The following TET2 variants were observed in gnomAD, a reference collection of about 807,000 sequenced individuals.
The protein encoded by TET2 is tet methylcytosine dioxygenase 2, also known as methylcytosine dioxygenase TET2.
TET2 carries 299 observed loss-of-function variants against 142.9 expected under a neutral mutation model. The observed-to-expected ratio is 2.09, with a 90% CI of 1.90 to 2.30. The LOEUF (loss-of-function observed/expected upper bound fraction) is 2.30. TET2 is among the 30% of genes most tolerant of loss of function. The probability of loss-of-function intolerance (pLI) is 0.00; values close to 1 mark genes in which losing one functional copy is unlikely to be tolerated. For missense variants in TET2, 2,418 were observed against 2,378.0 expected (o/e 1.02, Z -0.35); for synonymous variants, 819 against 849.0 (o/e 0.96, Z 0.61).
chr4:105,242,405 TC>T, intron 4 of TET2: 1 of 1,083,482 alleles, frequency 9.2e-7, no homozygotes, highest in African/African-American at 1.6e-5. Context: ...AGCCTCCTTT[TC>T]TAAATTGTGA....
chr4:105,187,117 C>T (rs1271931504), intron 1 of TET2, among the ~76,000 whole-genome samples: 1 of 152,112 alleles, frequency 6.6e-6, no homozygotes, highest in Non-Finnish European at 1.5e-5. Context: ...AGAGGGAAAT[C>T]CCCCTAGAAC....
intron 6 of TET2, among the ~76,000 whole-genome samples, chr4:105,252,383 T>C (rs77738124): frequency 0.041 from 6,269 of 152,270 alleles, 437 homozygotes; most frequent in African/African-American, 0.14. Context: ...TAATATTCCA[T>C]TGTCTGGTTT....
At chr4:105,273,360 A>C (rs1402327206) in intron 10 of TET2, among the ~76,000 whole-genome samples, 1 of 152,226 alleles carries the variant, frequency 6.6e-6, no homozygotes, top group East Asian at 1.9e-4. Flanking sequence ...TTTATTCTAT[A>C]ATAAACAGCA....
At position 105,236,315 on chromosome 4, in the gene TET2, T is replaced by C; in HGVS notation, c.2373T>C (p.Tyr791=). 1 of 1,614,030 alleles carries C rather than the reference T, an allele frequency of 6.2e-7. No individual in the cohort carries two copies. Among genetic ancestry groups the C allele is most frequent in the Middle Eastern group, 1.6e-4 (1 of 6,062 alleles). Residue 791 remains tyrosine (Y), a synonymous_variant, in exon 3 of 11, where the codon TAT becomes TAC. Coordinates refer to ENST00000380013, the MANE Select transcript of TET2 (RefSeq NM_001127208.3). ...VEECFHGENQ[Y]SKSSEFETHN... The stretch of plus-strand genomic sequence containing the variant: ...AATGTTTTCATGGTGAAAATCAGTA[T>C]TCAAAATCAAGCGAGTTCGAGACTC...
At chr4:105,180,463 CTTTTAAG>C (rs138904640) in intron 1 of TET2, among the ~76,000 whole-genome samples, 17,979 of 151,840 alleles carry the variant, frequency 0.12, 1,086 homozygotes, top group Middle Eastern at 0.19. Context: ...TTATTGAGTT[CTTTTAAG>C]TTTTATCTTT....
intron 2 of TET2, among the ~76,000 whole-genome samples, chr4:105,214,301 AT>A (rs35390923): frequency 0.051 from 4,414 of 85,904 alleles, 228 homozygotes; most frequent in African/African-American, 0.18. Flanking sequence ...CCCGAGGGAG[AT>A]TTTTTTTTTT....
rs192878526 is a variant in TET2, at chr4:105,271,811, C to T, written c.4183-753C>T. Among the ~76,000 whole-genome samples the T allele has an allele frequency of 2.1e-4, 32 of 152,204 alleles. No individual in the cohort carries two copies. The East Asian group carries it at 6.0e-3, about 28-fold the overall frequency. Reference sequence around the variant, plus strand: ...TTGTAGTAACTAAAGCAAAAAGTACCATTTAATTATCAAAGCAACAGAGGT... The same window carrying T: ...TTGTAGTAACTAAAGCAAAAAGTACTATTTAATTATCAAAGCAACAGAGGT... On this transcript the variant is annotated intron_variant, in intron 9 of 10. Coordinates refer to ENST00000380013, the MANE Select transcript of TET2 (RefSeq NM_001127208.3).
At position 105,218,613 on chromosome 4, in the gene TET2, C is replaced by T. The variant is rs1001970536; in HGVS notation, c.-46-15284C>T. On this transcript the variant is annotated intron_variant, in intron 2 of 10. Transcript: ENST00000380013. The stretch of plus-strand genomic sequence containing the variant: ...CCTTAGATGTAATCATGTTCATTCC[C>T]CTCGTATTATAAATTTTTAAAAATT... Among the ~76,000 whole-genome samples, 34 of 151,944 alleles carry T rather than the reference C, an allele frequency of 2.2e-4. 1 individual carries two copies. The highest frequency in any genetic ancestry group is 2.0e-3 in the Admixed American group (30 of 15,238).
intron 1 of TET2, among the ~76,000 whole-genome samples, chr4:105,168,714 G>A (rs1724291951): frequency 2.6e-5 from 4 of 151,954 alleles, no homozygotes; most frequent in South Asian, 4.1e-4. Flanking sequence ...CACCCTATTC[G>A]TAGTCTTTTA....
chr4:105,261,815 T>G lies in TET2; in HGVS notation c.4011T>G (p.Tyr1337Ter), dbSNP rs1730447657. The change falls in exon 8 of 11, where the codon TAT becomes TAG. Residue 1337 changes from tyrosine to a stop codon, truncating the protein, a stop_gained. Transcript: ENST00000380013. LOFTEE classifies it high-confidence loss of function. ...TGTCCACTCTTATGGCACCAACATA[T>G]AAGAAACTTGCACCTGATGCATATA... ...QNLSTLMAPTYKKLAPDAYNN... is the reference protein window; with the variant it reads ...QNLSTLMAPT 1.3e-6 allele frequency: 2 copies of G among 1,549,202 alleles called. No homozygotes were observed. Among genetic ancestry groups the G allele is most frequent in the African/African-American group, 1.4e-5 (1 of 72,952 alleles).
At chr4:105,163,850 A>AGTGT (rs1414292126) in intron 1 of TET2, among the ~76,000 whole-genome samples, 5 of 109,706 alleles carry the variant, frequency 4.6e-5, no homozygotes, top group South Asian at 2.8e-4. Flanking sequence ...AGAGAGAGAG[A>AGTGT]GAGAGTGTGT....
rs139406588 is a variant in TET2 at position 105,205,279 on chromosome 4, G to A, written c.-47+14774G>A. Among the ~76,000 whole-genome samples the A allele has an allele frequency of 3.0e-3, 459 of 152,168 alleles. 5 individuals carry two copies. The highest frequency in any genetic ancestry group is 7.3e-3 in the African/African-American group (302 of 41,540). Reference sequence around the variant, plus strand: ...TTGTTCTAATACTTCTTTATATTTTGTTGTGGAATTATGTCACCTAACAAT... The same window carrying A: ...TTGTTCTAATACTTCTTTATATTTTATTGTGGAATTATGTCACCTAACAAT... On this transcript the variant is annotated intron_variant, in intron 2 of 10. Coordinates refer to ENST00000380013, the MANE Select transcript of TET2 (RefSeq NM_001127208.3).
chr4:105,235,390 A>G lies in TET2; in HGVS notation c.1448A>G (p.Asn483Ser). Residue 483 changes from asparagine (N) to serine (S), a missense_variant, in exon 3 of 11, where the codon AAT (asparagine) becomes AGT (serine). Transcript: ENST00000380013. Reference protein sequence around the residue: ...SPMLSERPQNNCVNRNDIQTA... With the variant: ...SPMLSERPQNSCVNRNDIQTA... ...ATGCTTTCTGAAAGGCCTCAGAATAATTGTGTGAACAGGAATGACATACAG... is the reference window on the plus strand; with the variant it reads ...ATGCTTTCTGAAAGGCCTCAGAATAGTTGTGTGAACAGGAATGACATACAG... The G allele has an allele frequency of 6.2e-7, 1 of 1,614,196 alleles. No homozygotes were observed. Among genetic ancestry groups the G allele is most frequent in the South Asian group, 1.1e-5 (1 of 91,086 alleles).
intron 1 of TET2, among the ~76,000 whole-genome samples, chr4:105,161,463 C>T (rs997965382): frequency 1.3e-5 from 2 of 152,124 alleles, no homozygotes; most frequent in African/African-American, 2.4e-5. Context: ...CAATTATCCT[C>T]GGCCTAAATA....
chr4:105,201,349 C>T (rs372831724), intron 2 of TET2, among the ~76,000 whole-genome samples: 30 of 152,232 alleles, frequency 2.0e-4, no homozygotes, highest in East Asian at 9.7e-4. Context: ...ATTTTAGTTG[C>T]TCTAATGCAA....
chr4:105,241,313 A>G, intron 3 of TET2, 26 bp from the exon 4 acceptor site: 1 of 1,529,290 alleles, frequency 6.5e-7, no homozygotes, highest in South Asian at 1.2e-5. Context: ...GAGGTCTAAA[A>G]TAATAATCTT....
chr4:105,205,986 T>A (rs1350098111), intron 2 of TET2, among the ~76,000 whole-genome samples: 1 of 152,196 alleles, frequency 6.6e-6, no homozygotes, highest in Non-Finnish European at 1.5e-5. Flanking sequence ...CAAACTTTTT[T>A]CTATTGAAAA....
Position 105,237,800 on chromosome 4 carries a change from G to T in TET2, c.3409+449G>T, listed in dbSNP as rs1202584237. On this transcript the variant is annotated intron_variant, in intron 3 of 10. Transcript: ENST00000380013. ...AATATATTAGTTTCACAAGATTTCT[G>T]GCTAATAGGGAAATTATTATCTTCA... The T allele has an allele frequency of 5.4e-6, 6 of 1,118,310 alleles. No homozygotes were observed. In the African/African-American group the frequency reaches 9.9e-5, roughly 19 times the overall value. The allele number at this position is 1,118,310 out of a possible 1,614,324, so 69.3% of individuals were successfully genotyped here. A position where few individuals can be genotyped will look rare whatever the true frequency, so the allele number is the denominator to read the frequency against.
intron 7 of TET2, among the ~76,000 whole-genome samples, chr4:105,261,521 A>C (rs546737254): frequency 6.6e-6 from 1 of 152,272 alleles, no homozygotes; most frequent in Admixed American, 6.5e-5. Flanking sequence ...TATAAAATGC[A>C]AAATATCTGC....
Sources: gnomAD v4.1 joint callset for allele counts (sites outside exome capture counted in the v4.1 genomes callset) on GRCh38, gnomAD v4.1.1 for gene constraint, MANE v1.5 for transcripts, NCBI Gene and HGNC (gene_info 2026-07-23, HGNC 2026-07-21) for gene names.